Variants in CTNNA2 observed in about 807,000 individuals in gnomAD.
CTNNA2 encodes catenin alpha 2.
CTNNA2 carries 42 observed loss-of-function variants against 101.0 expected under a neutral mutation model. The observed-to-expected ratio is 0.42, with a 90% CI of 0.32 to 0.54. The LOEUF (loss-of-function observed/expected upper bound fraction) is 0.54, where lower values mean the gene tolerates loss of function less well. Ranked by LOEUF, CTNNA2 falls within the 20% of genes least tolerant of loss-of-function variation. The pLI, the probability that CTNNA2 is intolerant of heterozygous loss-of-function variation, is 0.14. For synonymous variants in CTNNA2, 450 were observed against 456.4 expected (o/e 0.99, Z 0.18); for missense variants, 871 against 1,223.1 (o/e 0.71, Z 4.29).
At chr2:80,210,361 C>T (rs1030006571) in intron 7 of CTNNA2, among the ~76,000 whole-genome samples, 1 of 152,120 alleles carries the variant, frequency 6.6e-6, no homozygotes, top group East Asian at 1.9e-4. Context: ...TATCCTTCCC[C>T]CCTCCCCATA....
chr2:80,200,084 A>G (rs1270963672), intron 7 of CTNNA2, among the ~76,000 whole-genome samples: 2 of 152,198 alleles, frequency 1.3e-5, no homozygotes, highest in Non-Finnish European at 2.9e-5. Flanking sequence ...TGGCTACCCA[A>G]CTGTTTGGGA....
chr2:79,369,643 G>A (rs1379125609), intron 3 of CTNNA2, among the ~76,000 whole-genome samples: 3 of 151,972 alleles, frequency 2.0e-5, no homozygotes, highest in Admixed American at 6.6e-5. Context: ...CATAAATATC[G>A]CACACTCCTT....
chr2:79,695,478 A>C (rs1248134993), intron 2 of CTNNA2, among the ~76,000 whole-genome samples: 3 of 151,988 alleles, frequency 2.0e-5, no homozygotes, highest in Non-Finnish European at 4.4e-5. Flanking sequence ...AAACTATAGG[A>C]GCAGTCATGA....
intron 7 of CTNNA2, among the ~76,000 whole-genome samples, chr2:80,230,260 G>GTTTTTTTTTT (rs375509574): frequency 8.2e-6 from 1 of 121,628 alleles, no homozygotes; most frequent in African/African-American, 3.3e-5. Flanking sequence ...TTTTTTCTTT[G>GTTTTTTTTTT]TTTTTTTTTT....
rs575958598 is a variant in CTNNA2, at chr2:80,192,531, T to C, written c.1057-200680T>C. Among the ~76,000 whole-genome samples, 6 of 152,338 alleles carry C rather than the reference T, an allele frequency of 3.9e-5. No individual in the cohort carries two copies. The South Asian group carries it at 1.2e-3, about 32-fold the overall frequency. On this transcript the variant is annotated intron_variant, in intron 7 of 18. Coordinates refer to ENST00000402739, the MANE Select transcript of CTNNA2 (RefSeq NM_001282597.3). ...TAATCTGTAAAACTTTTCTTTTTTT[T>C]TCTTTTTATTTTTTGACAGAGTCTT...
intron 2 of CTNNA2, among the ~76,000 whole-genome samples, chr2:79,226,752 A>G (rs972036310): frequency 7.2e-5 from 11 of 152,144 alleles, no homozygotes; most frequent in Non-Finnish European, 1.3e-4. Flanking sequence ...TCCATACCTG[A>G]AAGAAGATTG....
chr2:79,573,398 G>T (rs370811360), intron 1 of CTNNA2, among the ~76,000 whole-genome samples: 1 of 152,196 alleles, frequency 6.6e-6, no homozygotes, highest in Admixed American at 6.5e-5. Context: ...CACTGCAGGA[G>T]AATTTTATTT....
At chr2:79,654,890 A>T (rs1681502466) in intron 2 of CTNNA2, among the ~76,000 whole-genome samples, 1 of 152,182 alleles carries the variant, frequency 6.6e-6, no homozygotes, top group Non-Finnish European at 1.5e-5. Flanking sequence ...TGATTCATGA[A>T]TTTTTTATGG....
chr2:79,437,411 C>G (rs1352593442), intron 4 of CTNNA2, among the ~76,000 whole-genome samples: 1 of 152,168 alleles, frequency 6.6e-6, no homozygotes, highest in Non-Finnish European at 1.5e-5. Context: ...TCACAGCTCC[C>G]AGGTGCTGCC....
At chr2:79,574,251 G>A (rs972832550) in intron 1 of CTNNA2, 1 of 152,028 alleles carries the variant, frequency 6.6e-6, no homozygotes, top group Admixed American at 6.6e-5. Flanking sequence ...AGGGATACAT[G>A]TGCAGGTTTG....
chr2:79,878,508 C>A (rs753870346), intron 6 of CTNNA2, among the ~76,000 whole-genome samples: 3 of 152,152 alleles, frequency 2.0e-5, no homozygotes, highest in Non-Finnish European at 1.5e-5. Flanking sequence ...CTATTCTTGA[C>A]TTTTTAATAA....
chr2:80,490,132 G>T (rs1365278166), intron 9 of CTNNA2, among the ~76,000 whole-genome samples: 4 of 152,106 alleles, frequency 2.6e-5, no homozygotes, highest in Non-Finnish European at 1.5e-5. Flanking sequence ...CATATCTAGA[G>T]ATGTAAATTA....
At chr2:80,507,894 G>A (rs750526520) in intron 9 of CTNNA2, among the ~76,000 whole-genome samples, 14 of 152,126 alleles carry the variant, frequency 9.2e-5, no homozygotes, top group Non-Finnish European at 1.8e-4. Context: ...GGCATTGATG[G>A]GTGATTAATG....
intron 7 of CTNNA2, among the ~76,000 whole-genome samples, chr2:80,331,447 G>T (rs1671324547): frequency 6.6e-6 from 1 of 152,068 alleles, no homozygotes; most frequent in African/African-American, 2.4e-5. Flanking sequence ...TGGGAAATAG[G>T]GTTGCACATC....
intron 2 of CTNNA2, among the ~76,000 whole-genome samples, chr2:79,265,307 T>A (rs551937460): frequency 2.0e-5 from 3 of 152,260 alleles, no homozygotes; most frequent in African/African-American, 4.8e-5. Context: ...TTTCTACCCT[T>A]GAGCTGAACA....
Position 80,258,286 on chromosome 2 carries a change from C to T in CTNNA2, c.1057-134925C>T, listed in dbSNP as rs549086335. Among the ~76,000 whole-genome samples, 50 of 152,320 alleles carry T rather than the reference C, an allele frequency of 3.3e-4. No homozygotes were observed. In the East Asian group the frequency reaches 6.8e-3, roughly 21 times the overall value. On this transcript the variant is annotated intron_variant, in intron 7 of 18. Transcript: ENST00000402739. The stretch of plus-strand genomic sequence containing the variant: ...AACTTCCTTTTAAAAATCTTCCAAT[C>T]TTAAGAATCTCAGGTTATTTTTTTG...
At chr2:79,209,095 G>A (rs1572979338) in intron 2 of CTNNA2, among the ~76,000 whole-genome samples, 1 of 151,986 alleles carries the variant, frequency 6.6e-6, no homozygotes, top group Non-Finnish European at 1.5e-5. Flanking sequence ...GCAGGAAGAC[G>A]GCTTGAGTCC....
intron 2 of CTNNA2, among the ~76,000 whole-genome samples, chr2:79,272,941 C>T (rs1394352326): frequency 2.6e-5 from 4 of 151,982 alleles, no homozygotes; most frequent in African/African-American, 9.7e-5. Flanking sequence ...GACAATTGGA[C>T]AAACATTGGC....
chr2:80,160,065 C>A (rs997755015), intron 7 of CTNNA2, among the ~76,000 whole-genome samples: 1 of 152,144 alleles, frequency 6.6e-6, no homozygotes, highest in Non-Finnish European at 1.5e-5. Flanking sequence ...GCTCTAGCAC[C>A]ATTTGTGTAA....
Sources: gnomAD v4.1 joint callset for allele counts (sites outside exome capture counted in the v4.1 genomes callset) on GRCh38, gnomAD v4.1.1 for gene constraint, MANE v1.5 for transcripts, NCBI Gene and HGNC (gene_info 2026-07-23, HGNC 2026-07-21) for gene names.